The following ELP5 variants were observed in gnomAD, a reference collection of about 807,000 sequenced individuals.
ELP5 encodes the protein elongator acetyltransferase complex subunit 5, also known as elongator complex protein 5.
In ELP5, 34 loss-of-function variants were observed where a neutral mutation model predicts 33.4. That is an observed-to-expected ratio of 1.02 (90% CI 0.78 to 1.36). The LOEUF (loss-of-function observed/expected upper bound fraction) is 1.36, where lower values mean the gene tolerates loss of function less well. ELP5 is among the 40% of genes most tolerant of loss of function. ELP5 has a pLI of 0.00. For synonymous variants in ELP5, 161 were observed against 146.4 expected (o/e 1.10, Z -0.72); for missense variants, 373 against 371.7 (o/e 1.00, Z -0.03).
chr17:7,259,240 A>G, intron 7 of ELP5: 2 of 1,371,648 alleles, frequency 1.5e-6, no homozygotes, highest in South Asian at 1.6e-5. Flanking sequence ...ACAGAAGGCT[A>G]TATGGGCGTG....
In ELP5 at chr17:7,259,858, G is replaced by A. The variant is rs2072173504; in HGVS notation, c.*173G>A. 1 of 1,152,510 alleles carries A rather than the reference G, an allele frequency of 8.7e-7. No homozygotes were observed. Among genetic ancestry groups the A allele is most frequent in the African/African-American group, 1.5e-5 (1 of 64,596 alleles). The allele number at this position is 1,152,510 out of a possible 1,614,324, so 71.4% of individuals were successfully genotyped here. On this transcript the variant is annotated 3_prime_UTR_variant, in exon 8 of 8. Coordinates refer to ENST00000396628, the MANE Select transcript of ELP5 (RefSeq NM_203414.3). ...AAGCAGCGTCTCATCAGGACAGAAG[G>A]TAGGATGAAGACATGGGGTAATGTG...
rs75415983 is a variant in ELP5, at chr17:7,254,314, T to A, written c.189-269T>A. On this transcript the variant is annotated intron_variant, in intron 3 of 7. Coordinates refer to ENST00000396628, the MANE Select transcript of ELP5 (RefSeq NM_203414.3). ...TGTGCTGAATGCTTAGAGGTTGGCA[T>A]CTCATTTCACCAATGAGGCAACTCT... Among the ~76,000 whole-genome samples the A allele has an allele frequency of 3.1e-3, 467 of 152,330 alleles. 4 individuals are homozygous for A. The highest frequency in any genetic ancestry group is 0.027 in the East Asian group (141 of 5,186).
Position 7,254,798 on chromosome 17 carries a change from G to A in ELP5, c.404G>A (p.Cys135Tyr), listed in dbSNP as rs9896695. 6.2e-7 allele frequency: 1 copy of A among 1,613,794 alleles called. No homozygotes were observed. Among genetic ancestry groups the A allele is most frequent in the Non-Finnish European group, 8.5e-7 (1 of 1,179,806 alleles). The change falls in exon 4 of 8, where the codon TGT becomes TAT. Residue 135 changes from cysteine (C) to tyrosine (Y), a missense_variant. Coordinates refer to ENST00000396628, the MANE Select transcript of ELP5 (RefSeq NM_203414.3). The part of the protein sequence containing the change: ...VLHAVSHQDS[C>Y]PGDSSSVGKV... ...CATGCTGTGAGCCATCAGGACTCTTGTCCTGGTGAGACCCCTCCTTCATTG... is the reference window on the plus strand; with the variant it reads ...CATGCTGTGAGCCATCAGGACTCTTATCCTGGTGAGACCCCTCCTTCATTG...
intron 7 of ELP5, 45 bp from the exon 8 acceptor site, chr17:7,259,526 C>T: frequency 6.2e-7 from 1 of 1,611,952 alleles, no homozygotes; most frequent in Non-Finnish European, 8.5e-7. Flanking sequence ...TATCCAGACC[C>T]AACCTGTTAG....
chr17:7,256,602 G>T (rs539682356), intron 4 of ELP5, among the ~76,000 whole-genome samples: 5 of 152,216 alleles, frequency 3.3e-5, no homozygotes, highest in African/African-American at 1.2e-4. Flanking sequence ...GGAAGCGTTC[G>T]TTCCATCCTG....
At position 7,259,559 on chromosome 17, in the gene ELP5, T is replaced by C; in HGVS notation, c.789-12T>C. On this transcript the variant is annotated splice_polypyrimidine_tract_variant and intron_variant, in intron 7 of 7. Transcript: ENST00000396628. ...TAGCTACCCTCACCAGCACCAAATC[T>C]TCCCTTCTCAGACAGCAGGCTCTCC... 1 of 1,614,066 alleles carries C rather than the reference T, an allele frequency of 6.2e-7. No homozygotes were observed. The highest frequency in any genetic ancestry group is 1.7e-5 in the Admixed American group (1 of 60,010).
At chr17:7,259,294 G>A in intron 7 of ELP5, 1 of 1,382,858 alleles carries the variant, frequency 7.2e-7, no homozygotes, top group East Asian at 2.8e-5. Context: ...TTGCTGTTCT[G>A]TGCCCAGTAT....
At chr17:7,259,454 A>G in intron 7 of ELP5, 117 bp from the exon 8 acceptor site, 1 of 1,529,052 alleles carries the variant, frequency 6.5e-7, no homozygotes, top group Middle Eastern at 2.4e-4. Context: ...ACTTGGACCA[A>G]TAAAATGACA....
chr17:7,258,448 C>CAAAA (rs34867349), intron 5 of ELP5, 140 bp from the exon 6 acceptor site: 130 of 622,220 alleles, frequency 2.1e-4, no homozygotes, highest in Non-Finnish European at 2.5e-4. Context: ...GACCCTGTCT[C>CAAAA]AAAAAAAAAA....
chr17:7,259,026 G>A, intron 7 of ELP5, 100 bp downstream of exon 7: 1 of 1,541,566 alleles, frequency 6.5e-7, no homozygotes. Flanking sequence ...TGACTTTATA[G>A]GGACTGAAGT....
chr17:7,252,240 C>T lies in ELP5; in HGVS notation c.-311C>T, dbSNP rs370417197. The stretch of plus-strand genomic sequence containing the variant: ...ACTTGGCCCGCGCTTAGGGCCCTCG[C>T]GGGGGGCTTGTGGGTCCTCCTCCCC... On this transcript the variant is annotated 5_prime_UTR_variant, in exon 1 of 8. Transcript: ENST00000396628. 2.6e-5 allele frequency: 12 copies of T among 467,876 alleles called. No individual in the cohort carries two copies. Among genetic ancestry groups the T allele is most frequent in the South Asian group, 4.1e-5 (2 of 48,574 alleles). The allele number at this position is 467,876 out of a possible 1,614,324, so 29.0% of individuals were successfully genotyped here. A position where few individuals can be genotyped will look rare whatever the true frequency, so the allele number is the denominator to read the frequency against.
chr17:7,254,712 T>A lies in ELP5; in HGVS notation c.318T>A (p.Ala106=). 1 of 1,614,102 alleles carries A rather than the reference T, an allele frequency of 6.2e-7. No homozygotes were observed. The highest frequency in any genetic ancestry group is 8.5e-7 in the Non-Finnish European group (1 of 1,180,016). The change falls in exon 4 of 8, where the codon GCT becomes GCA. Residue 106 remains alanine (A), a synonymous_variant. Transcript: ENST00000396628. ...KRTDPVPVTI[A]LDSLSWLLLR... is the part of the protein sequence containing the mutation. Reference sequence around the variant, plus strand: ...CAGATCCTGTTCCTGTCACCATTGCTCTCGATTCACTCAGCTGGCTGCTAC... The same window carrying A: ...CAGATCCTGTTCCTGTCACCATTGCACTCGATTCACTCAGCTGGCTGCTAC...
Position 7,254,751 on chromosome 17 carries a change from C to T in ELP5, c.357C>T (p.Cys119=), listed in dbSNP as rs139882675. 2.7e-4 allele frequency: 431 copies of T among 1,614,010 alleles called. No homozygotes were observed. Among genetic ancestry groups the T allele is most frequent in the South Asian group, 6.0e-4 (55 of 91,080 alleles). ...GCTGGCTGCTACTTCGCCTTCCCTG[C>T]ACCACACTCTGCCAGGTCCTGCATG... ...SLSWLLLRLP[C]TTLCQVLHAV... is the part of the protein sequence containing the mutation. Residue 119 remains cysteine (C), a synonymous_variant, in exon 4 of 8, where the codon TGC becomes TGT. Transcript: ENST00000396628.
rs370637688 is a variant in ELP5 at position 7,257,041 on chromosome 17, C to G, written c.591+3C>G. The G allele has an allele frequency of 6.4e-6, 10 of 1,560,622 alleles. No individual in the cohort carries two copies. Among genetic ancestry groups the G allele is most frequent in the African/African-American group, 1.4e-5 (1 of 73,286 alleles). ...CCCGACAGCGCCCAACTGACCAGGT[C>G]AGAAGAACCAACAGAGAAGGACTGG... On this transcript the variant is annotated splice_donor_region_variant and intron_variant, in intron 5 of 7. Coordinates refer to ENST00000396628, the MANE Select transcript of ELP5 (RefSeq NM_203414.3).
intron 3 of ELP5, among the ~76,000 whole-genome samples, chr17:7,253,849 T>C (rs2072010482): frequency 6.6e-6 from 1 of 152,036 alleles, no homozygotes. Context: ...TACAAAAAAT[T>C]ACCTGGGCAT....
At chr17:7,253,127 GATCT>G (rs888594323) in intron 3 of ELP5, 129 bp downstream of exon 3, 2 of 879,032 alleles carry the variant, frequency 2.3e-6, no homozygotes, top group Admixed American at 4.2e-5. Context: ...ATTGGATATG[GATCT>G]TTCAGGAGGC....
intron 4 of ELP5, among the ~76,000 whole-genome samples, chr17:7,256,054 T>C (rs1273830652): frequency 7.1e-6 from 1 of 141,716 alleles, no homozygotes; most frequent in East Asian, 2.1e-4. Flanking sequence ...AGACGTCATC[T>C]CAAAAAAATA....
chr17:7,257,250 C>T (rs556382076), intron 5 of ELP5, among the ~76,000 whole-genome samples: 18 of 152,122 alleles, frequency 1.2e-4, no homozygotes, highest in African/African-American at 3.4e-4. Flanking sequence ...GGATTACAGA[C>T]GTGAGCCACT....
At position 7,252,436 on chromosome 17, in the gene ELP5, G is replaced by C. The variant is rs1402721705; in HGVS notation, c.-115G>C. ...CACCTCTCATTCCAGACTATGTTAG[G>C]TCTTAATGGTGGGAGGACGCCCGAG... On this transcript the variant is annotated 5_prime_UTR_variant, in exon 1 of 8. Coordinates refer to ENST00000396628, the MANE Select transcript of ELP5 (RefSeq NM_203414.3). 5 of 1,484,016 alleles carry C rather than the reference G, an allele frequency of 3.4e-6. No homozygotes were observed. The East Asian group carries it at 1.1e-4, about 34-fold the overall frequency. The allele number at this position is 1,484,016 out of a possible 1,614,324, so 91.9% of individuals were successfully genotyped here. A position where few individuals can be genotyped will look rare whatever the true frequency, so the allele number is the denominator to read the frequency against.
Sources: gnomAD v4.1 joint callset for allele counts (sites outside exome capture counted in the v4.1 genomes callset) on GRCh38, gnomAD v4.1.1 for gene constraint, MANE v1.5 for transcripts, NCBI Gene and HGNC (gene_info 2026-07-23, HGNC 2026-07-21) for gene names.